The following EPB41L4A variants were observed in gnomAD, a reference collection of about 807,000 sequenced individuals.
The protein encoded by EPB41L4A is erythrocyte membrane protein band 4.1 like 4A.
Under a neutral mutation model 108.6 loss-of-function variants are expected in EPB41L4A, and 100 were observed. The observed-to-expected ratio is 0.92, with a 90% CI of 0.78 to 1.09. The LOEUF (loss-of-function observed/expected upper bound fraction) is 1.09, where lower values mean the gene tolerates loss of function less well. EPB41L4A is among the 50% of genes least tolerant of loss of function. The pLI, the probability that EPB41L4A is intolerant of heterozygous loss-of-function variation, is 0.00. For synonymous variants in EPB41L4A, 319 were observed against 289.0 expected, an observed-to-expected ratio of 1.10 and a Z score of -1.05; for missense variants, 1,030 against 842.7, an observed-to-expected ratio of 1.22 and a Z score of -2.75.
intron 2 of EPB41L4A, among the ~76,000 whole-genome samples, chr5:112,289,061 T>A (rs1480548055): frequency 6.6e-6 from 1 of 152,148 alleles, no homozygotes; most frequent in Non-Finnish European, 1.5e-5. Flanking sequence ...GTCTTTAAAT[T>A]AGTCAACACT....
chr5:112,165,159 A>G, intron 22 of EPB41L4A, 41 bp from the exon 23 acceptor site: 1 of 1,495,378 alleles, frequency 6.7e-7, no homozygotes, highest in Non-Finnish European at 9.2e-7. Context: ...TCAGAAGAAA[A>G]CAGCCAAATG....
At chr5:112,350,379 G>A (rs1288694478) in intron 1 of EPB41L4A, among the ~76,000 whole-genome samples, 1 of 152,130 alleles carries the variant, frequency 6.6e-6, no homozygotes, top group Admixed American at 6.6e-5. Context: ...ACACATGTAT[G>A]GGGGACATGT....
At chr5:112,314,792 C>CA (rs58975273) in intron 1 of EPB41L4A, among the ~76,000 whole-genome samples, 15 of 146,408 alleles carry the variant, frequency 1.0e-4, no homozygotes, top group South Asian at 6.5e-4. Context: ...GACTCCATCT[C>CA]AAAAAAAAAA....
At chr5:112,173,350 CCCCATGATATCAGG>C in intron 18 of EPB41L4A, among the ~76,000 whole-genome samples, 1 of 152,076 alleles carries the variant, frequency 6.6e-6, no homozygotes, top group East Asian at 1.9e-4. Context: ...AGGACATACA[CCCCATGATATCAGG>C]CCTAGTGGTG....
chr5:112,292,606 G>C (rs1027959417), intron 2 of EPB41L4A, among the ~76,000 whole-genome samples: 1 of 152,066 alleles, frequency 6.6e-6, no homozygotes, highest in Non-Finnish European at 1.5e-5. Context: ...TTAGCTTTTA[G>C]TACATGCAGC....
chr5:112,356,846 G>A (rs1160316348), intron 1 of EPB41L4A, among the ~76,000 whole-genome samples: 1 of 152,194 alleles, frequency 6.6e-6, no homozygotes, highest in Non-Finnish European at 1.5e-5. Flanking sequence ...CAGTGGTCTG[G>A]AACATGTTGA....
chr5:112,293,372 T>C (rs1202596363), intron 2 of EPB41L4A, among the ~76,000 whole-genome samples: 18 of 98,908 alleles, frequency 1.8e-4, no homozygotes, highest in African/African-American at 1.2e-3. Context: ...CTCCTTTTAA[T>C]TTAGTTTAAT....
chr5:112,263,093 A>G (rs1021865833), intron 6 of EPB41L4A, among the ~76,000 whole-genome samples: 1 of 152,222 alleles, frequency 6.6e-6, no homozygotes, highest in Non-Finnish European at 1.5e-5. Flanking sequence ...ATTGTAAAAA[A>G]TGCTTGTCAT....
At chr5:112,278,336 G>A (rs965733913) in intron 3 of EPB41L4A, among the ~76,000 whole-genome samples, 5 of 150,300 alleles carry the variant, frequency 3.3e-5, no homozygotes, top group African/African-American at 9.8e-5. Context: ...TGCAACCTCC[G>A]CCTCCTGGGT....
At chr5:112,349,415 T>G (rs1757894549) in intron 1 of EPB41L4A, among the ~76,000 whole-genome samples, 1 of 152,082 alleles carries the variant, frequency 6.6e-6, no homozygotes, top group Non-Finnish European at 1.5e-5. Flanking sequence ...GCAAAGAGTT[T>G]GTGCAGCATT....
At chr5:112,393,990 A>G (rs548138332) in intron 1 of EPB41L4A, among the ~76,000 whole-genome samples, 1 of 152,348 alleles carries the variant, frequency 6.6e-6, no homozygotes, top group African/African-American at 2.4e-5. Context: ...GACAAAAATC[A>G]CATGATTATC....
At chr5:112,415,406 G>GAAA (rs1261094531) in intron 1 of EPB41L4A, among the ~76,000 whole-genome samples, 1 of 152,016 alleles carries the variant, frequency 6.6e-6, no homozygotes, top group Non-Finnish European at 1.5e-5. Context: ...TACTCATAGG[G>GAAA]AAAAATGAGC....
At chr5:112,377,800 A>T (rs1399923660) in intron 1 of EPB41L4A, among the ~76,000 whole-genome samples, 2 of 152,154 alleles carry the variant, frequency 1.3e-5, no homozygotes, top group East Asian at 3.8e-4. Context: ...TTACCTTTCC[A>T]GAGCTGCCTT....
At chr5:112,246,623 T>C (rs1750246609) in intron 9 of EPB41L4A, among the ~76,000 whole-genome samples, 1 of 152,162 alleles carries the variant, frequency 6.6e-6, no homozygotes, top group Admixed American at 6.5e-5. Flanking sequence ...CTGTTAAAAC[T>C]TTACCATGGC....
intron 1 of EPB41L4A, among the ~76,000 whole-genome samples, chr5:112,365,068 G>C (rs1759039185): frequency 6.6e-6 from 1 of 152,168 alleles, no homozygotes; most frequent in South Asian, 2.1e-4. Flanking sequence ...CCAAAGCTTA[G>C]TTCAGCTTCT....
At chr5:112,171,380 C>T (rs368242082) in intron 18 of EPB41L4A, among the ~76,000 whole-genome samples, 6 of 152,328 alleles carry the variant, frequency 3.9e-5, no homozygotes, top group African/African-American at 1.2e-4. Context: ...AAAGTTCCAA[C>T]ATGATCTGTG....
At chr5:112,274,176 A>T (rs1348865276) in intron 4 of EPB41L4A, among the ~76,000 whole-genome samples, 10 of 151,922 alleles carry the variant, frequency 6.6e-5, no homozygotes, top group African/African-American at 1.9e-4. Flanking sequence ...GCTACTCCTG[A>T]GGCTGAGGCG....
At chr5:112,351,790 CAT>C (rs1325443126) in intron 1 of EPB41L4A, among the ~76,000 whole-genome samples, 2 of 152,262 alleles carry the variant, frequency 1.3e-5, no homozygotes, top group East Asian at 1.9e-4. Flanking sequence ...AAAAAAATAA[CAT>C]GTCATGATCA....
intron 1 of EPB41L4A, among the ~76,000 whole-genome samples, chr5:112,374,769 G>T (rs1759705969): frequency 6.6e-6 from 1 of 152,100 alleles, no homozygotes; most frequent in South Asian, 2.1e-4. Context: ...CTGGGGAAGG[G>T]GTCAGAAGGT....
Sources: allele counts gnomAD v4.1 joint callset (sites outside exome capture counted in the v4.1 genomes callset), GRCh38; gene constraint gnomAD v4.1.1; transcripts MANE v1.5; gene names NCBI Gene and HGNC (gene_info 2026-07-23, HGNC 2026-07-21).